PRKN: variants seen among roughly 807,000 people sequenced by gnomAD.
PRKN encodes the protein parkin RBR E3 ubiquitin protein ligase, also known as E3 ubiquitin-protein ligase parkin.
In PRKN, 56 loss-of-function variants were observed where a neutral mutation model predicts 59.5. The ratio of observed to expected loss-of-function variants is 0.94; its 90% CI spans 0.76 to 1.18. The LOEUF (loss-of-function observed/expected upper bound fraction) is 1.18, where lower values mean the gene tolerates loss of function less well. PRKN is among the 50% of genes most tolerant of loss of function. The pLI is 0.00. For missense variants in PRKN, 657 were observed against 596.4 expected, an observed-to-expected ratio of 1.10 and a Z score of -1.06; for synonymous variants, 250 against 222.1, an observed-to-expected ratio of 1.13 and a Z score of -1.12.
At chr6:161,891,444 G>A (rs1266646480) in intron 6 of PRKN, among the ~76,000 whole-genome samples, 2 of 152,104 alleles carry the variant, frequency 1.3e-5, no homozygotes, top group Non-Finnish European at 2.9e-5. Context: ...CGTATTGTTC[G>A]GTGTGTGACT....
intron 7 of PRKN, among the ~76,000 whole-genome samples, chr6:161,679,674 A>C (rs897542803): frequency 0.025 from 1,610 of 65,394 alleles, 2 homozygotes; most frequent in African/African-American, 0.03. Context: ...TAATAGAACC[A>C]CCCCCCCCCC....
rs534955992 is a variant in PRKN, at chr6:162,622,001, C to T, written c.7+105661G>A. 6.6e-5 allele frequency among the ~76,000 whole-genome samples: 10 copies of T among 152,046 alleles called. No homozygotes were observed. In the South Asian group the frequency reaches 1.7e-3, roughly 25 times the overall value. ...AGCTAATTGTATTTTTTAGTAGAGA[C>T]GGGGCTTCACCATGTTGGCCAGGCT... is the stretch of plus-strand genomic sequence containing the variant. On this transcript the variant is annotated intron_variant, in intron 1 of 11. Coordinates refer to ENST00000366898, the MANE Select transcript of PRKN (RefSeq NM_004562.3).
chr6:162,016,153 TA>T (rs57107812), intron 5 of PRKN, among the ~76,000 whole-genome samples: 4 of 151,182 alleles, frequency 2.6e-5, no homozygotes, highest in South Asian at 2.1e-4. Context: ...AAAATAATAA[TA>T]AAAAAAAACT....
At chr6:161,909,455 C>T (rs1778273009) in intron 6 of PRKN, among the ~76,000 whole-genome samples, 2 of 152,112 alleles carry the variant, frequency 1.3e-5, no homozygotes, top group Admixed American at 1.3e-4. Flanking sequence ...AAAAAAGAAT[C>T]TCCAGTCGTT....
chr6:162,053,806 C>T (rs1018650888), intron 5 of PRKN, among the ~76,000 whole-genome samples: 6 of 152,130 alleles, frequency 3.9e-5, no homozygotes, highest in African/African-American at 1.4e-4. Context: ...TTTCTCACCT[C>T]TCCTTTTCCT....
Position 161,726,832 on chromosome 6 carries a change from T to C in PRKN, c.871+58940A>G, listed in dbSNP as rs76201627. Among the ~76,000 whole-genome samples the C allele has an allele frequency of 7.7e-3, 1,170 of 152,304 alleles. 12 individuals carry two copies. The highest frequency in any genetic ancestry group is 0.037 in the Middle Eastern group (11 of 294). ...GGAATCACAACTCATTTTCTGAAAC[T>C]ATGAAAATAAAATCTAGGCTTGTAT... is the stretch of plus-strand genomic sequence containing the variant. On this transcript the variant is annotated intron_variant, in intron 7 of 11. Coordinates refer to ENST00000366898, the MANE Select transcript of PRKN (RefSeq NM_004562.3).
At chr6:162,159,004 T>C (rs1288620024) in intron 4 of PRKN, among the ~76,000 whole-genome samples, 1 of 151,992 alleles carries the variant, frequency 6.6e-6, no homozygotes, top group Non-Finnish European at 1.5e-5. Flanking sequence ...GCCATCCACA[T>C]AACGCTAACC....
chr6:162,310,813 T>C (rs1284034161), intron 2 of PRKN, among the ~76,000 whole-genome samples: 1 of 140,856 alleles, frequency 7.1e-6, no homozygotes. Flanking sequence ...GAAGGTTTTA[T>C]GTACAATTTT....
chr6:161,639,858 A>G (rs187636240), intron 7 of PRKN, among the ~76,000 whole-genome samples: 1 of 152,204 alleles, frequency 6.6e-6, no homozygotes, highest in Non-Finnish European at 1.5e-5. Context: ...ACAAGGCGCA[A>G]TGCCTACCAC....
intron 7 of PRKN, among the ~76,000 whole-genome samples, chr6:161,583,769 A>G (rs1781429673): frequency 6.6e-6 from 1 of 152,176 alleles, no homozygotes; most frequent in Admixed American, 6.5e-5. Context: ...AATGGGCATC[A>G]TTTCATGTCA....
At chr6:162,147,775 G>C (rs1782092018) in intron 4 of PRKN, among the ~76,000 whole-genome samples, 2 of 152,092 alleles carry the variant, frequency 1.3e-5, no homozygotes, top group African/African-American at 4.8e-5. Flanking sequence ...GATCATTTGT[G>C]AACATCTCGT....
chr6:162,161,339 G>C (rs1000831726), intron 4 of PRKN, among the ~76,000 whole-genome samples: 5 of 152,162 alleles, frequency 3.3e-5, no homozygotes, highest in African/African-American at 7.2e-5. Flanking sequence ...GTCACTAAAG[G>C]ATGCTCACTT....
intron 7 of PRKN, among the ~76,000 whole-genome samples, chr6:161,690,070 A>C (rs1785722648): frequency 6.6e-6 from 1 of 152,224 alleles, no homozygotes. Flanking sequence ...TTGCAGCTGA[A>C]GATGGAAATT....
intron 2 of PRKN, among the ~76,000 whole-genome samples, chr6:162,411,377 A>T (rs944390822): frequency 6.6e-6 from 1 of 152,188 alleles, no homozygotes; most frequent in African/African-American, 2.4e-5. Flanking sequence ...TAGACAAAAG[A>T]TGGACCACTT....
At chr6:162,701,884 CA>C (rs1554263470) in intron 1 of PRKN, among the ~76,000 whole-genome samples, 102 of 82,996 alleles carry the variant, frequency 1.2e-3, no homozygotes, top group Non-Finnish European at 1.8e-3. Context: ...CACACACACA[CA>C]CCCCCCCGAC....
chr6:161,921,923 C>T (rs1778799445), intron 6 of PRKN, among the ~76,000 whole-genome samples: 1 of 152,144 alleles, frequency 6.6e-6, no homozygotes, highest in South Asian at 2.1e-4. Flanking sequence ...TCTTGTAGAA[C>T]AACATTTCAA....
intron 4 of PRKN, among the ~76,000 whole-genome samples, chr6:162,175,868 G>T (rs1171553059): frequency 6.6e-6 from 1 of 152,190 alleles, no homozygotes; most frequent in East Asian, 1.9e-4. Flanking sequence ...GTAAATATCT[G>T]TGCTGCCCCA....
chr6:162,655,319 G>T lies in PRKN; in HGVS notation c.7+72343C>A, dbSNP rs570892079. Among the ~76,000 whole-genome samples, 5 of 152,194 alleles carry T rather than the reference G, an allele frequency of 3.3e-5. No individual in the cohort carries two copies. The South Asian group carries it at 1.0e-3, about 32-fold the overall frequency. ...AATTTCCTTGGTAGTTTTTTGATTC[G>T]TAATTGTATTCCAACACTTTCACAA... On this transcript the variant is annotated intron_variant, in intron 1 of 11. Transcript: ENST00000366898.
intron 1 of PRKN, among the ~76,000 whole-genome samples, chr6:162,558,023 T>A (rs1265987967): frequency 2.0e-5 from 3 of 152,214 alleles, no homozygotes; most frequent in African/African-American, 7.2e-5. Flanking sequence ...CTCTTAGGCA[T>A]AATCACCATG....
Sources: allele counts gnomAD v4.1 joint callset (sites outside exome capture counted in the v4.1 genomes callset), GRCh38; gene constraint gnomAD v4.1.1; transcripts MANE v1.5; gene names NCBI Gene and HGNC (gene_info 2026-07-23, HGNC 2026-07-21).